Variants in ZEB2 observed in about 807,000 individuals in gnomAD.
ZEB2 encodes the protein zinc finger E-box binding homeobox 2, also known as zinc finger E-box-binding homeobox 2.
ZEB2 carries 6 observed loss-of-function variants against 99.9 expected under a neutral mutation model. That is an observed-to-expected ratio of 0.06 (90% CI 0.03 to 0.12). The LOEUF (loss-of-function observed/expected upper bound fraction) is 0.12, where lower values mean the gene tolerates loss of function less well. Ranked by LOEUF, ZEB2 falls within the 10% of genes least tolerant of loss-of-function variation. ZEB2 has a pLI of 1.00. For missense variants in ZEB2, 969 were observed against 1,502.8 expected (o/e 0.64, Z 5.87); for synonymous variants, 517 against 542.5 (o/e 0.95, Z 0.65).
At chr2:144,420,782 G>A (rs1353687559) in intron 4 of ZEB2, among the ~76,000 whole-genome samples, 1 of 152,128 alleles carries the variant, frequency 6.6e-6, no homozygotes, top group Non-Finnish European at 1.5e-5. Context: ...GATAGCATGG[G>A]CAGAGATTCA....
intron 2 of ZEB2, among the ~76,000 whole-genome samples, chr2:144,506,526 G>C (rs1474713957): frequency 6.6e-6 from 1 of 152,120 alleles, no homozygotes; most frequent in African/African-American, 2.4e-5. Context: ...TGTGCATGGT[G>C]TCTAAAATAG....
chr2:144,507,062 T>C (rs973397669), intron 2 of ZEB2, among the ~76,000 whole-genome samples: 1 of 152,224 alleles, frequency 6.6e-6, no homozygotes, highest in Admixed American at 6.5e-5. Context: ...TATACCTTCA[T>C]ATATTTGTGA....
chr2:144,501,913 C>G (rs746438162), intron 2 of ZEB2, among the ~76,000 whole-genome samples: 5 of 152,146 alleles, frequency 3.3e-5, no homozygotes, highest in Non-Finnish European at 5.9e-5. Flanking sequence ...TTTCTCATGC[C>G]TGATGTTATA....
At chr2:144,492,041 T>G (rs1180521369) in intron 2 of ZEB2, among the ~76,000 whole-genome samples, 2 of 152,224 alleles carry the variant, frequency 1.3e-5, no homozygotes, top group Admixed American at 6.5e-5. Flanking sequence ...ACCTTGTGCT[T>G]CTTCTTTTCT....
intron 2 of ZEB2, among the ~76,000 whole-genome samples, chr2:144,479,350 G>A (rs927551234): frequency 6.6e-6 from 1 of 152,090 alleles, no homozygotes; most frequent in African/African-American, 2.4e-5. Context: ...TACCAGTAAA[G>A]CTCAATTAGA....
chr2:144,398,551 C>T lies in ZEB2; in HGVS notation c.2636G>A (p.Ser879Asn). 6.2e-7 allele frequency: 1 copy of T among 1,614,080 alleles called. No individual in the cohort carries two copies. The change falls in exon 8 of 10, where the codon AGC becomes AAC. Residue 879 changes from serine (S) to asparagine (N), a missense_variant. Coordinates refer to ENST00000627532, the MANE Select transcript of ZEB2 (RefSeq NM_014795.4). ...GTTCATGCTGAACACTGGGTTAGTGCTTTTGTTGTCCAGATTATTTGAATT... is the reference window on the plus strand; with the variant it reads ...GTTCATGCTGAACACTGGGTTAGTGTTTTTGTTGTCCAGATTATTTGAATT... The part of the protein sequence containing the change: ...FSNSNNLDNK[S>N]TNPVFSMNPF...
chr2:144,474,858 T>C (rs1434168918), intron 2 of ZEB2, among the ~76,000 whole-genome samples: 3 of 152,182 alleles, frequency 2.0e-5, no homozygotes, highest in African/African-American at 7.2e-5. Flanking sequence ...AAGGTAAGGG[T>C]TTATTAACTT....
chr2:144,414,422 G>A (rs549658388), intron 4 of ZEB2, among the ~76,000 whole-genome samples: 3 of 152,230 alleles, frequency 2.0e-5, no homozygotes, highest in South Asian at 2.1e-4. Flanking sequence ...GGCCCTGTGC[G>A]ACTGTGCAGG....
At chr2:144,449,975 A>G (rs565178790) in intron 2 of ZEB2, among the ~76,000 whole-genome samples, 1 of 152,224 alleles carries the variant, frequency 6.6e-6, no homozygotes, top group Non-Finnish European at 1.5e-5. Flanking sequence ...CTTTCTGATT[A>G]GCTATTTTAG....
intron 9 of ZEB2, among the ~76,000 whole-genome samples, chr2:144,392,351 A>C (rs1379211831): frequency 6.6e-6 from 1 of 152,148 alleles, no homozygotes; most frequent in African/African-American, 2.4e-5. Context: ...CAGTGTCCAG[A>C]GAGAGCAAGC....
At chr2:144,452,750 TAA>T (rs1288026323) in intron 2 of ZEB2, among the ~76,000 whole-genome samples, 1 of 152,142 alleles carries the variant, frequency 6.6e-6, no homozygotes, top group African/African-American at 2.4e-5. Flanking sequence ...TCTCGGTATT[TAA>T]TCTGACACCG....
At chr2:144,417,448 C>A (rs1004119660) in intron 4 of ZEB2, among the ~76,000 whole-genome samples, 1 of 152,118 alleles carries the variant, frequency 6.6e-6, no homozygotes, top group African/African-American at 2.4e-5. Flanking sequence ...TGATTTTTCT[C>A]CACTTCCATG....
chr2:144,419,265 T>C (rs373511233), intron 4 of ZEB2, among the ~76,000 whole-genome samples: 2 of 152,248 alleles, frequency 1.3e-5, no homozygotes, highest in Admixed American at 6.5e-5. Flanking sequence ...AGTTTGACTA[T>C]AGTTAGAGTC....
chr2:144,422,815 A>G (rs1056568460), intron 4 of ZEB2, among the ~76,000 whole-genome samples: 1 of 152,172 alleles, frequency 6.6e-6, no homozygotes, highest in African/African-American at 2.4e-5. Context: ...AAAACAAAAC[A>G]AATCAAAACA....
In ZEB2 at chr2:144,519,572, G is replaced by A. The variant is rs1368826045; in HGVS notation, c.-70+367C>T. Reference sequence around the variant, plus strand: ...TGGAACTAGATGCGAAAATAGAGCAGGACCTCTCCCCTTGATGAGTTTTTA... The same window carrying A: ...TGGAACTAGATGCGAAAATAGAGCAAGACCTCTCCCCTTGATGAGTTTTTA... On this transcript the variant is annotated intron_variant, in intron 1 of 9. Transcript: ENST00000627532. 2.1e-5 allele frequency: 4 copies of A among 189,028 alleles called. No individual in the cohort carries two copies. The Admixed American group carries it at 2.2e-4, about 10-fold the overall frequency. The allele number at this position is 189,028 out of a possible 1,614,324, so 11.7% of individuals were successfully genotyped here.
intron 2 of ZEB2, among the ~76,000 whole-genome samples, chr2:144,466,553 C>T (rs897993406): frequency 2.6e-5 from 4 of 152,064 alleles, no homozygotes; most frequent in African/African-American, 9.7e-5. Flanking sequence ...CTCATTATAC[C>T]AAGAATTTAC....
chr2:144,516,436 A>ACCCCC (rs68189842), intron 2 of ZEB2: 2 of 104,098 alleles, frequency 1.9e-5, no homozygotes, highest in African/African-American at 7.9e-5. Context: ...CCAAACTCTC[A>ACCCCC]CCCCCCCCTT....
chr2:144,440,512 T>TAC (rs1703897873), intron 2 of ZEB2, among the ~76,000 whole-genome samples: 4 of 4,058 alleles, frequency 9.9e-4, no homozygotes, highest in African/African-American at 2.1e-3. Context: ...TATATATATA[T>TAC]ATATTTTTTT....
chr2:144,479,692 GGGC>G (rs1319078878), intron 2 of ZEB2, among the ~76,000 whole-genome samples: 6 of 104,236 alleles, frequency 5.8e-5, no homozygotes, highest in African/African-American at 1.8e-4. Flanking sequence ...TTGGGGGGGG[GGGC>G]GGGGGGTGGA....
Sources: gnomAD v4.1 joint callset for allele counts (sites outside exome capture counted in the v4.1 genomes callset) on GRCh38, gnomAD v4.1.1 for gene constraint, MANE v1.5 for transcripts, NCBI Gene and HGNC (gene_info 2026-07-23, HGNC 2026-07-21) for gene names.